The following SDCCAG8 variants were observed in gnomAD, a reference collection of about 807,000 sequenced individuals.
SDCCAG8 encodes the protein SHH signaling and ciliogenesis regulator SDCCAG8.
Under a neutral mutation model 101.8 loss-of-function variants are expected in SDCCAG8, and 74 were observed. That is an observed-to-expected ratio of 0.73 (90% confidence interval 0.60 to 0.88). SDCCAG8 has a LOEUF of 0.88. Among genes scored for constraint, SDCCAG8 ranks in the 40% least tolerant of loss-of-function variants. SDCCAG8 has a pLI of 0.00. For synonymous variants in SDCCAG8, 281 were observed against 292.9 expected (o/e 0.96, Z 0.41); for missense variants, 787 against 822.6 (o/e 0.96, Z 0.53).
At chr1:243,292,816 G>C (rs2070403895) in intron 5 of SDCCAG8, among the ~76,000 whole-genome samples, 1 of 152,192 alleles carries the variant, frequency 6.6e-6, no homozygotes, top group African/African-American at 2.4e-5. Context: ...TATGTCTTCA[G>C]AGGAGTAAAG....
intron 2 of SDCCAG8, 24 bp from the exon 3 acceptor site, chr1:243,270,954 A>G: frequency 6.4e-7 from 1 of 1,568,966 alleles, no homozygotes; most frequent in South Asian, 1.1e-5. Context: ...TAAGGTTAAT[A>G]AACCCTCTGC....
At chr1:243,366,261 A>C (rs1211320839) in intron 12 of SDCCAG8, among the ~76,000 whole-genome samples, 1 of 151,898 alleles carries the variant, frequency 6.6e-6, no homozygotes, top group Non-Finnish European at 1.5e-5. Flanking sequence ...TCTTATTTGA[A>C]AGTGCCTGTC....
intron 5 of SDCCAG8, 145 bp from the exon 6 acceptor site, chr1:243,292,946 A>G (rs1190933690): frequency 2.0e-6 from 2 of 999,594 alleles, no homozygotes; most frequent in Admixed American, 4.0e-5. Context: ...TAATAGCCTG[A>G]AAATGTGAAG....
chr1:243,267,242 T>TAAAA, intron 1 of SDCCAG8: 4 of 162,492 alleles, frequency 2.5e-5, no homozygotes, highest in South Asian at 2.6e-4. Flanking sequence ...GACTCCGTCT[T>TAAAA]AAAAAAAAAA....
chr1:243,348,202 A>ATTTTTTTTTTTTT (rs74162279), intron 12 of SDCCAG8, among the ~76,000 whole-genome samples: 2 of 131,652 alleles, frequency 1.5e-5, no homozygotes, highest in African/African-American at 3.0e-5. Context: ...CGCCCGGCTA[A>ATTTTTTTTTTTTT]TTTTTTTTTT....
chr1:243,387,616 C>G (rs2078390910), intron 13 of SDCCAG8, among the ~76,000 whole-genome samples: 1 of 152,230 alleles, frequency 6.6e-6, no homozygotes. Flanking sequence ...AGAGGAGTCA[C>G]TAGGTTAACC....
At chr1:243,498,707 C>T (rs1668687164) in intron 17 of SDCCAG8, among the ~76,000 whole-genome samples, 1 of 152,242 alleles carries the variant, frequency 6.6e-6, no homozygotes, top group South Asian at 2.1e-4. Context: ...ACTCATTGCC[C>T]TGTCTTGGAA....
At chr1:243,288,089 T>A (rs2069809947) in intron 5 of SDCCAG8, among the ~76,000 whole-genome samples, 1 of 152,192 alleles carries the variant, frequency 6.6e-6, no homozygotes, top group Non-Finnish European at 1.5e-5. Flanking sequence ...CCAGATGACC[T>A]TGATATCTAT....
intron 7 of SDCCAG8, chr1:243,306,220 T>A (rs753182463): frequency 3.3e-5 from 5 of 152,126 alleles, no homozygotes; most frequent in African/African-American, 1.2e-4. Flanking sequence ...AGATTTTTAC[T>A]TTTTTACAAA....
chr1:243,351,977 T>C (rs912512084), intron 12 of SDCCAG8, among the ~76,000 whole-genome samples: 1 of 152,234 alleles, frequency 6.6e-6, no homozygotes, highest in Non-Finnish European at 1.5e-5. Flanking sequence ...TTTAGTCACG[T>C]TGTTAATGAT....
At chr1:243,457,133 T>C (rs544728714) in intron 16 of SDCCAG8, among the ~76,000 whole-genome samples, 9 of 152,326 alleles carry the variant, frequency 5.9e-5, no homozygotes, top group African/African-American at 2.2e-4. Context: ...TTTGGTTGAG[T>C]GCACCTTATT....
At chr1:243,342,026 A>G (rs560653106) in intron 11 of SDCCAG8, among the ~76,000 whole-genome samples, 3 of 152,296 alleles carry the variant, frequency 2.0e-5, no homozygotes, top group African/African-American at 2.4e-5. Context: ...TTTAACATGT[A>G]TTAGGAAAGG....
At chr1:243,352,731 CCAAA>C (rs2076148961) in intron 12 of SDCCAG8, among the ~76,000 whole-genome samples, 1 of 152,158 alleles carries the variant, frequency 6.6e-6, no homozygotes, top group Non-Finnish European at 1.5e-5. Context: ...GTTCCATCAC[CCAAA>C]CAGTGTAAAT....
chr1:243,480,838 G>A (rs1366881376), intron 16 of SDCCAG8, among the ~76,000 whole-genome samples: 3 of 143,300 alleles, frequency 2.1e-5, no homozygotes, highest in Admixed American at 6.9e-5. Flanking sequence ...TGGATGGATG[G>A]ATGGGTGGGG....
chr1:243,327,936 TCTGTCGCC>T lies in SDCCAG8; in HGVS notation c.1069-2602_1069-2595del, dbSNP rs370801440. On this transcript the variant is annotated intron_variant, in intron 9 of 17. Transcript: ENST00000366541. Reference sequence around the variant, plus strand: ...GTTTGTTTTTGAGATGGAGTCTCGCTCTGTCGCCCAGGCTGTAGTGCAGTGGTGCGATC... The same window carrying T: ...GTTTGTTTTTGAGATGGAGTCTCGCTCAGGCTGTAGTGCAGTGGTGCGATC... Among the ~76,000 whole-genome samples the T allele has an allele frequency of 1.4e-4, 22 of 152,354 alleles. No individual in the cohort carries two copies. In the East Asian group the frequency reaches 2.9e-3, roughly 20 times the overall value.
At chr1:243,258,735 C>A (rs886098508) in intron 1 of SDCCAG8, among the ~76,000 whole-genome samples, 1 of 152,086 alleles carries the variant, frequency 6.6e-6, no homozygotes, top group African/African-American at 2.4e-5. Flanking sequence ...GTATTCTGTT[C>A]CTTAATAAAC....
chr1:243,489,349 C>T (rs1467351905), intron 17 of SDCCAG8, among the ~76,000 whole-genome samples: 3 of 152,194 alleles, frequency 2.0e-5, no homozygotes, highest in African/African-American at 7.2e-5. Context: ...AAAGTCCGTG[C>T]AGGTGAACAG....
chr1:243,312,706 C>CAAAAAA lies in SDCCAG8; in HGVS notation c.930-4035_930-4030dup, dbSNP rs34803859. Among the ~76,000 whole-genome samples, 21 of 99,198 alleles carry CAAAAAA rather than the reference C, an allele frequency of 2.1e-4. 1 individual carries two copies. The highest frequency in any genetic ancestry group is 1.5e-3 in the Admixed American group (13 of 8,810). The allele number at this position is 99,198 out of a possible 152,430, so 65.1% of individuals were successfully genotyped here. A position where few individuals can be genotyped will look rare whatever the true frequency, so the allele number is the denominator to read the frequency against. ...GGGCAACAGAGGAAGAACCTGTCTC[C>CAAAAAA]AAAAAAAAAAAAAAAAAAATAATGG... On this transcript the variant is annotated intron_variant, in intron 8 of 17. Transcript: ENST00000366541.
In SDCCAG8 at chr1:243,458,670, TG is replaced by T. The variant is rs983934474; in HGVS notation, c.1986-30342del. ...ATGCCAAACGTGAACCTGGGCAGTG[TG>T]GCTGCCAATTCTGGGAAGAAGGGAT... On this transcript the variant is annotated intron_variant, in intron 16 of 17. Coordinates refer to ENST00000366541, the MANE Select transcript of SDCCAG8 (RefSeq NM_006642.5). The surrounding 1 kb of genome is among the most constrained non-coding windows in gnomAD (Gnocchi z 4.5). 6.6e-6 allele frequency among the ~76,000 whole-genome samples: 1 copy of T among 152,206 alleles called. No individual in the cohort carries two copies. Among genetic ancestry groups the T allele is most frequent in the African/African-American group, 2.4e-5 (1 of 41,458 alleles).
Sources: allele counts gnomAD v4.1 joint callset (sites outside exome capture counted in the v4.1 genomes callset), GRCh38; gene constraint gnomAD v4.1.1; non-coding constraint Gnocchi (gnomAD v3.1); transcripts MANE v1.5; gene names NCBI Gene and HGNC (gene_info 2026-07-23, HGNC 2026-07-21).